The following ADAM20 variants were observed in gnomAD, a reference collection of about 807,000 sequenced individuals.
ADAM20 encodes disintegrin and metalloproteinase domain-containing protein 20.
For synonymous variants in ADAM20, 305 were observed against 310.2 expected, an observed-to-expected ratio of 0.98 and a Z score of 0.18; for missense variants, 871 against 883.2, an observed-to-expected ratio of 0.99 and a Z score of 0.18.
upstream of ADAM20, among the ~76,000 whole-genome samples, chr14:70,535,903 C>T (rs780030315): frequency 7.2e-5 from 11 of 151,844 alleles, no homozygotes; most frequent in Non-Finnish European, 1.5e-4. Flanking sequence ...AATATATAAA[C>T]GAAATTGTAA....
the ADAM20 span, among the ~76,000 whole-genome samples, chr14:70,569,885 CA>C: frequency 0.019 from 1,423 of 76,230 alleles, 2 homozygotes; most frequent in Middle Eastern, 0.049. Context: ...AGAAAACTAA[CA>C]AAAAAAAAAA....
chr14:70,523,963 T>C lies in ADAM20; in HGVS notation c.795A>G (p.Pro265=), dbSNP rs142997788. ...TGIDIWTASN[P]LPTSGDLDNV... The stretch of plus-strand genomic sequence containing the variant: ...TATCTAGGTCTCCACTGGTAGGAAG[T>C]GGATTTGATGCAGTCCATATATCAA... Residue 265 remains proline, a synonymous_variant, in exon 2 of 2, where the codon CCA becomes CCG. Transcript: ENST00000256389. 1.9e-4 allele frequency: 312 copies of C among 1,614,042 alleles called. No individual in the cohort carries two copies. Among genetic ancestry groups the C allele is most frequent in the Non-Finnish European group, 2.3e-4 (274 of 1,179,960 alleles).
At chr14:70,541,305 T>C in the ADAM20 span, among the ~76,000 whole-genome samples, 1 of 152,254 alleles carries the variant, frequency 6.6e-6, no homozygotes, top group African/African-American at 2.4e-5. Flanking sequence ...AGCTTAGCTG[T>C]ACAATTTGCA....
chr14:70,573,679 G>A, the ADAM20 span, among the ~76,000 whole-genome samples: 1 of 152,188 alleles, frequency 6.6e-6, no homozygotes, highest in South Asian at 2.1e-4. Flanking sequence ...AGCTGAAAGT[G>A]AAGGGATAGA....
At chr14:70,530,144 T>C (rs1835266993) in intron 1 of ADAM20, among the ~76,000 whole-genome samples, 1 of 152,180 alleles carries the variant, frequency 6.6e-6, no homozygotes, top group South Asian at 2.1e-4. Flanking sequence ...TTTATATCCC[T>C]ATTCTATAAG....
rs1311569443 is a variant in ADAM20, at chr14:70,524,603, C to T, written c.155G>A (p.Gly52Asp). ...VVIPLKVISR[G>D]RGAKAPGWLS... ...CCATCCAGGAGCCTTTGCACCTCTG[C>T]CCCTGCTGATCACCTTCAAAGGGAT... The change falls in exon 2 of 2, where the codon GGC becomes GAC. Residue 52 changes from glycine (G) to aspartate (D), a missense_variant. Transcript: ENST00000256389. 2 of 1,613,974 alleles carry T rather than the reference C, an allele frequency of 1.2e-6. No homozygotes were observed. Among genetic ancestry groups the T allele is most frequent in the Middle Eastern group, 1.7e-4 (1 of 6,036 alleles).
At chr14:70,574,659 G>T in the ADAM20 span, among the ~76,000 whole-genome samples, 1 of 151,508 alleles carries the variant, frequency 6.6e-6, no homozygotes, top group Non-Finnish European at 1.5e-5. Context: ...AAGAAAGAAA[G>T]AAAGAAGAAA....
chr14:70,568,920 AG>A, the ADAM20 span, among the ~76,000 whole-genome samples: 1 of 152,164 alleles, frequency 6.6e-6, no homozygotes, highest in Non-Finnish European at 1.5e-5. Context: ...ATCTTGCTAG[AG>A]AGGTCAAGAA....
the ADAM20 span, among the ~76,000 whole-genome samples, chr14:70,574,647 AAAAG>A: frequency 2.6e-4 from 40 of 152,234 alleles, no homozygotes; most frequent in South Asian, 6.2e-4. Flanking sequence ...CTCAAAAAAA[AAAAG>A]AAAGAAAGAA....
the ADAM20 span, among the ~76,000 whole-genome samples, chr14:70,545,345 A>T: frequency 1.3e-5 from 2 of 152,188 alleles, no homozygotes; most frequent in Admixed American, 1.3e-4. Context: ...TGGGAGAGGG[A>T]TGGTGCAGAG....
chr14:70,533,831 C>T (rs1224005908), intron 1 of ADAM20, among the ~76,000 whole-genome samples: 1 of 151,298 alleles, frequency 6.6e-6, no homozygotes, highest in East Asian at 1.9e-4. Context: ...GCCTGTAATC[C>T]CAGCACTTTG....
chr14:70,566,078 C>T, the ADAM20 span, among the ~76,000 whole-genome samples: 1 of 152,060 alleles, frequency 6.6e-6, no homozygotes, highest in Non-Finnish European at 1.5e-5. Context: ...TGAAGTTGCT[C>T]AAGTTGAAAC....
At chr14:70,560,560 T>A in the ADAM20 span, among the ~76,000 whole-genome samples, 1 of 152,180 alleles carries the variant, frequency 6.6e-6, no homozygotes, top group Non-Finnish European at 1.5e-5. Flanking sequence ...AGAAAACATA[T>A]GGTTTAGATT....
chr14:70,523,882 T>G lies in ADAM20; in HGVS notation c.876A>C (p.Gln292His), dbSNP rs146683648. ...WKNYNLNNRL[Q>H]HDVAHLFIKD... ...TTATGAAAAGATGTGCAACATCATG[T>G]TGTAGTCGATTATTAAGGTTATAAT... The change falls in exon 2 of 2, where the codon CAA (glutamine) becomes CAC (histidine). Residue 292 changes from glutamine to histidine, a missense_variant. Transcript: ENST00000256389. The G allele has an allele frequency of 5.3e-4, 854 of 1,613,964 alleles. 5 individuals carry two copies. The African/African-American group carries it at 0.01, about 20-fold the overall frequency.
chr14:70,541,963 G>A, the ADAM20 span, among the ~76,000 whole-genome samples: 1 of 152,186 alleles, frequency 6.6e-6, no homozygotes, highest in African/African-American at 2.4e-5. Flanking sequence ...TATAACTGCT[G>A]TGAAGCTCTA....
chr14:70,558,929 T>C, the ADAM20 span, among the ~76,000 whole-genome samples: 9 of 152,168 alleles, frequency 5.9e-5, no homozygotes, highest in Non-Finnish European at 1.0e-4. Context: ...ACACTAAGTG[T>C]TGTTAGAGTT....
At chr14:70,561,493 A>G in the ADAM20 span, among the ~76,000 whole-genome samples, 1 of 152,274 alleles carries the variant, frequency 6.6e-6, no homozygotes, top group Non-Finnish European at 1.5e-5. Flanking sequence ...AGAAATTTGC[A>G]TAAGTAAAGA....
chr14:70,571,004 C>G, the ADAM20 span, among the ~76,000 whole-genome samples: 1 of 152,086 alleles, frequency 6.6e-6, no homozygotes, highest in Non-Finnish European at 1.5e-5. Flanking sequence ...AAAACAAAAC[C>G]TGTATGATCA....
At chr14:70,562,426 G>T in the ADAM20 span, among the ~76,000 whole-genome samples, 1 of 152,294 alleles carries the variant, frequency 6.6e-6, no homozygotes. Flanking sequence ...GTGGACTTTT[G>T]AGTTAATGCT....
Sources: allele counts gnomAD v4.1 joint callset (sites outside exome capture counted in the v4.1 genomes callset), GRCh38; gene constraint gnomAD v4.1.1; transcripts MANE v1.5; gene names NCBI Gene and HGNC (gene_info 2026-07-23, HGNC 2026-07-21).